Variants in MAGI2 observed in about 807,000 individuals in gnomAD.
MAGI2 encodes membrane-associated guanylate kinase, WW and PDZ domain-containing protein 2.
Under a neutral mutation model 133.3 loss-of-function variants are expected in MAGI2, and 35 were observed. That is an observed-to-expected ratio of 0.26 (90% CI 0.20 to 0.35). The LOEUF is 0.35. Among genes scored for constraint, MAGI2 ranks in the 10% least tolerant of loss-of-function variants. The pLI is 1.00. For synonymous variants in MAGI2, 729 were observed against 710.6 expected, an observed-to-expected ratio of 1.03 and a Z score of -0.41; for missense variants, 1,636 against 1,863.4, an observed-to-expected ratio of 0.88 and a Z score of 2.25.
At chr7:78,084,653 A>G (rs1056517846) in intron 20 of MAGI2, among the ~76,000 whole-genome samples, 2 of 152,246 alleles carry the variant, frequency 1.3e-5, no homozygotes, top group African/African-American at 2.4e-5. Flanking sequence ...TATAGGAAAC[A>G]AATGCTAGGA....
chr7:78,070,889 T>G (rs994173884), intron 21 of MAGI2, among the ~76,000 whole-genome samples: 2 of 151,912 alleles, frequency 1.3e-5, no homozygotes, highest in Admixed American at 6.6e-5. Flanking sequence ...GCCAGGCTGG[T>G]TTAGAATTCC....
At chr7:79,128,406 T>C (rs1397648287) in intron 1 of MAGI2, among the ~76,000 whole-genome samples, 5 of 152,200 alleles carry the variant, frequency 3.3e-5, no homozygotes, top group Non-Finnish European at 5.9e-5. Context: ...CTTCAACTCA[T>C]TTGAATGTTA....
chr7:78,325,469 T>G (rs561464062), intron 9 of MAGI2, among the ~76,000 whole-genome samples: 295 of 152,330 alleles, frequency 1.9e-3, no homozygotes, highest in Non-Finnish European at 3.6e-3. Context: ...TCTACTATCA[T>G]AGTCTTCCCT....
At chr7:78,877,110 C>A (rs569657275) in intron 2 of MAGI2, among the ~76,000 whole-genome samples, 2 of 152,204 alleles carry the variant, frequency 1.3e-5, no homozygotes, top group African/African-American at 4.8e-5. Flanking sequence ...TTTATCAAAT[C>A]TTTGTTTAGG....
intron 21 of MAGI2, among the ~76,000 whole-genome samples, chr7:78,056,766 CAT>C (rs1372139426): frequency 6.6e-6 from 1 of 152,100 alleles, no homozygotes; most frequent in Non-Finnish European, 1.5e-5. Flanking sequence ...CACCATGGCA[CAT>C]GTTTACCTGC....
chr7:78,215,937 C>T (rs1788229946), intron 10 of MAGI2, among the ~76,000 whole-genome samples: 1 of 152,138 alleles, frequency 6.6e-6, no homozygotes, highest in South Asian at 2.1e-4. Context: ...GTTAAATAAG[C>T]ATTAGCTTTG....
chr7:79,085,435 T>G (rs1816402812), intron 1 of MAGI2, among the ~76,000 whole-genome samples: 1 of 151,920 alleles, frequency 6.6e-6, no homozygotes, highest in Non-Finnish European at 1.5e-5. Flanking sequence ...TTGGACATAT[T>G]TATAACAGCT....
At chr7:78,412,760 C>A (rs1221394037) in intron 6 of MAGI2, among the ~76,000 whole-genome samples, 1 of 151,958 alleles carries the variant, frequency 6.6e-6, no homozygotes, top group Non-Finnish European at 1.5e-5. Flanking sequence ...AGTTTGTTAC[C>A]TGAGGGAGAA....
At chr7:78,138,893 T>C (rs1822454247) in intron 16 of MAGI2, among the ~76,000 whole-genome samples, 1 of 152,206 alleles carries the variant, frequency 6.6e-6, no homozygotes, top group African/African-American at 2.4e-5. Context: ...TTTTTTGATA[T>C]GTTGGAGGTT....
chr7:78,506,966 T>G (rs954205441), intron 4 of MAGI2, among the ~76,000 whole-genome samples: 3 of 152,234 alleles, frequency 2.0e-5, no homozygotes, highest in African/African-American at 7.2e-5. Flanking sequence ...TCATATTTGT[T>G]GATGTATCAG....
At chr7:78,737,768 GAATA>G (rs1455138171) in intron 2 of MAGI2, among the ~76,000 whole-genome samples, 1 of 151,990 alleles carries the variant, frequency 6.6e-6, no homozygotes, top group Non-Finnish European at 1.5e-5. Context: ...TATTGTAAAT[GAATA>G]AATATTTCTA....
At chr7:79,209,174 G>A (rs1397510099) in intron 1 of MAGI2, among the ~76,000 whole-genome samples, 2 of 151,760 alleles carry the variant, frequency 1.3e-5, no homozygotes, top group Non-Finnish European at 2.9e-5. Context: ...GATATAAAGT[G>A]TTCTCACTAT....
intron 2 of MAGI2, among the ~76,000 whole-genome samples, chr7:78,886,697 T>G (rs181269514): frequency 1.3e-5 from 2 of 152,332 alleles, no homozygotes; most frequent in African/African-American, 4.8e-5. Context: ...TTATGTAATG[T>G]TTTTAGTAAT....
At chr7:78,162,590 G>A (rs1235352494) in intron 15 of MAGI2, among the ~76,000 whole-genome samples, 1 of 151,846 alleles carries the variant, frequency 6.6e-6, no homozygotes, top group Non-Finnish European at 1.5e-5. Flanking sequence ...AAGGCTGGGA[G>A]TGGCAATGTT....
intron 2 of MAGI2, among the ~76,000 whole-genome samples, chr7:78,836,757 G>A (rs1410451061): frequency 6.6e-6 from 1 of 152,142 alleles, no homozygotes; most frequent in African/African-American, 2.4e-5. Context: ...AGACCTGACA[G>A]TGTCCACATT....
chr7:78,432,510 C>T (rs576716116), intron 6 of MAGI2, among the ~76,000 whole-genome samples: 11 of 151,972 alleles, frequency 7.2e-5, no homozygotes, highest in South Asian at 4.1e-4. Flanking sequence ...TGTCCTAAAA[C>T]GTGTCTTTCT....
In MAGI2 at chr7:79,138,250, C is replaced by G. The variant is rs947056608; in HGVS notation, c.302-131044G>C. ...AGTAGCCATAGGAAACAAATACAGA[C>G]CAGGCTCAAGAACTCATATTCTCTG... On this transcript the variant is annotated intron_variant, in intron 1 of 21. Transcript: ENST00000354212. Among the ~76,000 whole-genome samples, 8 of 152,076 alleles carry G rather than the reference C, an allele frequency of 5.3e-5. No homozygotes were observed. The South Asian group carries it at 1.2e-3, about 24-fold the overall frequency.
chr7:78,524,221 G>A (rs1796758134), intron 3 of MAGI2, among the ~76,000 whole-genome samples: 1 of 152,140 alleles, frequency 6.6e-6, no homozygotes, highest in Non-Finnish European at 1.5e-5. Context: ...GGCCTCCCCG[G>A]GTAGAAAGAG....
chr7:78,147,311 G>A (rs1214219091), intron 16 of MAGI2, among the ~76,000 whole-genome samples: 1 of 152,122 alleles, frequency 6.6e-6, no homozygotes, highest in Non-Finnish European at 1.5e-5. Flanking sequence ...TCAGTTCCCG[G>A]ACTTGAAAAG....
Sources: allele counts gnomAD v4.1 joint callset (sites outside exome capture counted in the v4.1 genomes callset), GRCh38; gene constraint gnomAD v4.1.1; transcripts MANE v1.5; gene names NCBI Gene and HGNC (gene_info 2026-07-23, HGNC 2026-07-21).